Variants in TAB3 observed in about 807,000 individuals in gnomAD.
TAB3 encodes the protein TGF-beta activated kinase 1 (MAP3K7) binding protein 3.
TAB3 carries 18 observed loss-of-function variants against 48.1 expected under a neutral mutation model. The observed-to-expected ratio is 0.37, with a 90% CI of 0.26 to 0.55. TAB3 has a LOEUF of 0.55. Ranked by LOEUF, TAB3 falls within the 20% of genes least tolerant of loss-of-function variation. The probability of loss-of-function intolerance (pLI) is 0.78; values close to 1 mark genes in which losing one functional copy is unlikely to be tolerated. For synonymous variants in TAB3, 185 were observed against 190.2 expected (o/e 0.97, Z 0.22); for missense variants, 414 against 549.8 (o/e 0.75, Z 2.47).
intron 8 of TAB3, chrX:30,845,960 T>C: frequency 1.0e-6 from 1 of 985,626 alleles, no homozygotes; most frequent in Non-Finnish European, 1.3e-6. Flanking sequence ...GTCAAAAGTA[T>C]GCAGCAGCTG....
intron 9 of TAB3, among the ~76,000 whole-genome samples, chrX:30,842,338 A>C (rs1229398049): frequency 1.8e-5 from 2 of 111,775 alleles, no homozygotes; most frequent in Non-Finnish European, 3.8e-5. Context: ...TCTTAAGTCT[A>C]TTGCAAATCT....
chrX:30,860,344 A>T (rs777454256), intron 4 of TAB3, among the ~76,000 whole-genome samples: 443 of 112,007 alleles, frequency 4.0e-3, no homozygotes, highest in Middle Eastern at 0.014. Context: ...CTGGATGAAG[A>T]GTAGGAAATA....
intron 2 of TAB3, among the ~76,000 whole-genome samples, chrX:30,871,442 G>A (rs1939659169): frequency 9.0e-6 from 1 of 111,514 alleles, no homozygotes; most frequent in South Asian, 3.8e-4. Context: ...TTTCTGGTGA[G>A]GTTTCTAATA....
chrX:30,868,941 C>CAA (rs755697088), intron 2 of TAB3, among the ~76,000 whole-genome samples: 3 of 93,537 alleles, frequency 3.2e-5, no homozygotes, highest in Non-Finnish European at 4.3e-5. Flanking sequence ...TTTGATTATC[C>CAA]AAAAAAAAAA....
At chrX:30,848,580 G>A (rs939372673) in intron 7 of TAB3, among the ~76,000 whole-genome samples, 2 of 111,034 alleles carry the variant, frequency 1.8e-5, no homozygotes, top group East Asian at 5.6e-4. Flanking sequence ...AGAACCACTC[G>A]ATCTTACTAA....
chrX:30,838,987 C>CT (rs1419515617), intron 9 of TAB3, among the ~76,000 whole-genome samples: 87 of 104,387 alleles, frequency 8.3e-4, no homozygotes, highest in Middle Eastern at 1.0e-2. Context: ...AATATTTATG[C>CT]TTTTTTTTTT....
In TAB3 at chrX:30,831,292, C is replaced by T; in HGVS notation, c.*135G>A. On this transcript the variant is annotated 3_prime_UTR_variant, in exon 11 of 11. Transcript: ENST00000288422. ...TTTCCTTTCGTGAGCACAACGACGA[C>T]CACAAAGCCATTCCTCCTCCCCGCT... The T allele has an allele frequency of 1.3e-6, 1 of 774,408 alleles. No homozygotes were observed. The highest frequency in any genetic ancestry group is 1.8e-6 in the Non-Finnish European group (1 of 563,449). The allele number at this position is 774,408 out of a possible 1,213,427, so 63.8% of individuals were successfully genotyped here.
intron 4 of TAB3, among the ~76,000 whole-genome samples, chrX:30,864,272 G>C (rs989285009): frequency 8.9e-6 from 1 of 111,781 alleles, no homozygotes; most frequent in Non-Finnish European, 1.9e-5. Context: ...TCATCACACA[G>C]TTCAGGGGCC....
At chrX:30,867,346 A>C (rs1169210806) in intron 3 of TAB3, 119 bp downstream of exon 3, 1 of 112,226 alleles carries the variant, frequency 8.9e-6, no homozygotes, top group Non-Finnish European at 1.9e-5. Flanking sequence ...TAAGCTGTTA[A>C]TAATAGGGGA....
chrX:30,850,669 G>A (rs1397574083), intron 7 of TAB3, among the ~76,000 whole-genome samples: 4 of 105,646 alleles, frequency 3.8e-5, no homozygotes, highest in African/African-American at 1.4e-4. Context: ...CCGAGATCAC[G>A]CCATTGCACT....
intron 9 of TAB3, among the ~76,000 whole-genome samples, chrX:30,839,929 T>TATATA (rs1316006928): frequency 1.0e-5 from 1 of 99,265 alleles, no homozygotes; most frequent in East Asian, 3.1e-4. Context: ...TATATATATA[T>TATATA]ATATATATAT....
At chrX:30,846,446 G>A (rs955765110) in intron 8 of TAB3, 105 bp downstream of exon 8, 85 of 521,392 alleles carry the variant, frequency 1.6e-4, no homozygotes, top group Non-Finnish European at 2.2e-4. Context: ...GTAATCTTAC[G>A]GATAAAAACT....
chrX:30,868,383 T>A (rs867536432), intron 2 of TAB3, among the ~76,000 whole-genome samples: 1 of 25,644 alleles, frequency 3.9e-5, no homozygotes, highest in Non-Finnish European at 6.1e-5. Context: ...TATATATATA[T>A]AGCTTATATA....
chrX:30,850,606 G>A (rs1181290023), intron 7 of TAB3, among the ~76,000 whole-genome samples: 1 of 108,713 alleles, frequency 9.2e-6, no homozygotes, highest in African/African-American at 3.4e-5. Context: ...CAGCTACTCG[G>A]GAGGCTGAGG....
chrX:30,869,049 C>A (rs1234265240), intron 2 of TAB3, among the ~76,000 whole-genome samples: 10 of 108,313 alleles, frequency 9.2e-5, no homozygotes, highest in African/African-American at 3.4e-4. Flanking sequence ...TACAACAATG[C>A]GAAATCCACC....
chrX:30,881,191 G>A (rs765101078), intron 1 of TAB3, among the ~76,000 whole-genome samples: 2 of 110,545 alleles, frequency 1.8e-5, no homozygotes, highest in South Asian at 7.6e-4. Flanking sequence ...GGTGTTAGAA[G>A]TTAGGACAAT....
chrX:30,851,841 T>C (rs746482494), intron 7 of TAB3, among the ~76,000 whole-genome samples: 2 of 112,177 alleles, frequency 1.8e-5, no homozygotes, highest in Non-Finnish European at 3.8e-5. Flanking sequence ...GATTTACACG[T>C]GCAGAGCTTT....
chrX:30,879,553 T>G (rs141445915), intron 1 of TAB3, among the ~76,000 whole-genome samples: 1,759 of 111,940 alleles, frequency 0.016, 28 homozygotes, highest in African/African-American at 0.051. Flanking sequence ...CCAGTATCTA[T>G]TCATGATGTA....
chrX:30,852,050 T>C (rs773705550), intron 7 of TAB3, among the ~76,000 whole-genome samples: 1 of 112,583 alleles, frequency 8.9e-6, no homozygotes, highest in African/African-American at 3.2e-5. Context: ...TAGTACCACA[T>C]TGCATAAACT....
Sources: gnomAD v4.1 joint callset for allele counts (sites outside exome capture counted in the v4.1 genomes callset) on GRCh38, gnomAD v4.1.1 for gene constraint, MANE v1.5 for transcripts, NCBI Gene and HGNC (gene_info 2026-07-23, HGNC 2026-07-21) for gene names.